Variants in KHDRBS2 observed in about 807,000 individuals in gnomAD.
The protein encoded by KHDRBS2 is KH domain-containing, RNA-binding, signal transduction-associated protein 2.
In KHDRBS2, 26 loss-of-function variants were observed where a neutral mutation model predicts 44.3. The observed-to-expected ratio is 0.59, with a 90% CI of 0.43 to 0.81. KHDRBS2 has a LOEUF of 0.81. KHDRBS2 is among the 40% of genes least tolerant of loss of function. The pLI, the probability that KHDRBS2 is intolerant of heterozygous loss-of-function variation, is 0.00. For synonymous variants in KHDRBS2, 194 were observed against 151.1 expected (o/e 1.28, Z -2.08); for missense variants, 476 against 433.1 (o/e 1.10, Z -0.88).
intron 3 of KHDRBS2, among the ~76,000 whole-genome samples, chr6:61,999,534 A>G (rs1020435424): frequency 6.6e-6 from 1 of 152,246 alleles, no homozygotes; most frequent in East Asian, 1.9e-4. Flanking sequence ...GTTATGGCAC[A>G]TACCTTTGGA....
chr6:61,594,438 C>A, the KHDRBS2 span, among the ~76,000 whole-genome samples: 52 of 152,132 alleles, frequency 3.4e-4, 1 homozygote, highest in African/African-American at 1.2e-3. Flanking sequence ...TTTTTGTAGT[C>A]TTTTCCATAA....
Position 61,778,530 on chromosome 6 carries a change from T to TAA in KHDRBS2, c.811-45768_811-45767dup, listed in dbSNP as rs764737215. On this transcript the variant is annotated intron_variant, in intron 6 of 8. Coordinates refer to ENST00000281156, the MANE Select transcript of KHDRBS2 (RefSeq NM_152688.4). The stretch of plus-strand genomic sequence containing the variant: ...ACTTACAGAGGAGAATATTAGAAAA[T>TAA]AAAATGGGCAGTTAAAAGAAAAAGA... Among the ~76,000 whole-genome samples, 60 of 151,886 alleles carry TAA rather than the reference T, an allele frequency of 4.0e-4. 1 individual carries two copies. Among genetic ancestry groups the TAA allele is most frequent in the Middle Eastern group, 3.4e-3 (1 of 294 alleles).
the KHDRBS2 span, among the ~76,000 whole-genome samples, chr6:61,592,150 C>T: frequency 4.2e-5 from 6 of 142,384 alleles, no homozygotes; most frequent in Admixed American, 3.0e-4. Flanking sequence ...ATGATTGTGT[C>T]GCTGCACTCC....
chr6:61,827,785 C>T (rs1393867238), intron 6 of KHDRBS2, among the ~76,000 whole-genome samples: 1 of 152,116 alleles, frequency 6.6e-6, no homozygotes, highest in Non-Finnish European at 1.5e-5. Flanking sequence ...AGACAGCAGG[C>T]TCTCTAGTGT....
At chr6:62,064,602 C>T (rs1294380028) in intron 2 of KHDRBS2, among the ~76,000 whole-genome samples, 2 of 149,138 alleles carry the variant, frequency 1.3e-5, no homozygotes, top group East Asian at 2.0e-4. Flanking sequence ...AACTGGATCC[C>T]TTCCTTACAC....
intron 6 of KHDRBS2, among the ~76,000 whole-genome samples, chr6:61,848,446 T>A: frequency 7.8e-6 from 1 of 127,874 alleles, no homozygotes; most frequent in Non-Finnish European, 1.6e-5. Context: ...GCTCCAAAGG[T>A]TATATTGAGA....
At chr6:62,072,057 AT>A (rs1478720511) in intron 2 of KHDRBS2, among the ~76,000 whole-genome samples, 85 of 152,186 alleles carry the variant, frequency 5.6e-4, no homozygotes, top group African/African-American at 2.0e-3. Context: ...GGTCTTTCAC[AT>A]CCCTTGCAAG....
chr6:61,971,513 T>C (rs1771411704), intron 4 of KHDRBS2, among the ~76,000 whole-genome samples: 1 of 152,148 alleles, frequency 6.6e-6, no homozygotes, highest in Non-Finnish European at 1.5e-5. Flanking sequence ...AAAAATCAGT[T>C]TCAAAATATG....
At chr6:62,160,123 C>T (rs577788686) in intron 2 of KHDRBS2, among the ~76,000 whole-genome samples, 4 of 152,254 alleles carry the variant, frequency 2.6e-5, no homozygotes, top group South Asian at 4.1e-4. Flanking sequence ...TGCAACTTTA[C>T]ATTCTGACAT....
In KHDRBS2 at chr6:62,080,488, G is replaced by A. The variant is rs544078720; in HGVS notation, c.220-32494C>T. On this transcript the variant is annotated intron_variant, in intron 2 of 8. Coordinates refer to ENST00000281156, the MANE Select transcript of KHDRBS2 (RefSeq NM_152688.4). Reference sequence around the variant, plus strand: ...GAGATAACATATGGACTTCATAAACGCATAAATGATCCCAAAGTCCTATAA... The same window carrying A: ...GAGATAACATATGGACTTCATAAACACATAAATGATCCCAAAGTCCTATAA... 1.8e-4 allele frequency among the ~76,000 whole-genome samples: 27 copies of A among 152,160 alleles called. No homozygotes were observed. In the South Asian group the frequency reaches 3.7e-3, roughly 21 times the overall value.
intron 6 of KHDRBS2, among the ~76,000 whole-genome samples, chr6:61,753,140 C>T (rs147461306): frequency 5.3e-5 from 8 of 152,188 alleles, no homozygotes; most frequent in African/African-American, 9.6e-5. Context: ...ACTCATCATT[C>T]GTGTTGCTCT....
intron 4 of KHDRBS2, among the ~76,000 whole-genome samples, chr6:61,919,735 A>C (rs7349851): frequency 0.42 from 63,443 of 151,526 alleles, 13,481 homozygotes; most frequent in Admixed American, 0.49. Flanking sequence ...ACAACAACAA[A>C]AAAAAACCCC....
intron 1 of KHDRBS2, among the ~76,000 whole-genome samples, chr6:62,251,940 T>G (rs74790169): frequency 0.025 from 3,806 of 151,968 alleles, 119 homozygotes; most frequent in African/African-American, 0.081. Flanking sequence ...TTAAAATATT[T>G]AAAAATACAA....
At chr6:61,786,423 T>C (rs894451550) in intron 6 of KHDRBS2, among the ~76,000 whole-genome samples, 2 of 152,038 alleles carry the variant, frequency 1.3e-5, no homozygotes, top group African/African-American at 2.4e-5. Flanking sequence ...TTAACACATG[T>C]TCATTGGAGA....
chr6:61,832,878 A>C (rs1286690462), intron 6 of KHDRBS2, among the ~76,000 whole-genome samples: 1 of 152,184 alleles, frequency 6.6e-6, no homozygotes, highest in Non-Finnish European at 1.5e-5. Context: ...TCTACAGCAA[A>C]AAAATATAAT....
chr6:62,089,209 C>T (rs1386762935), intron 2 of KHDRBS2, among the ~76,000 whole-genome samples: 1 of 151,506 alleles, frequency 6.6e-6, no homozygotes, highest in Non-Finnish European at 1.5e-5. Context: ...TGGCTTCAGT[C>T]CCCTTTCCAG....
chr6:62,205,313 T>A (rs566439019), intron 1 of KHDRBS2, among the ~76,000 whole-genome samples: 10 of 152,236 alleles, frequency 6.6e-5, no homozygotes, highest in African/African-American at 2.2e-4. Context: ...AGTACACAAG[T>A]GAGGCAAAAT....
chr6:61,748,006 T>A (rs778071316), intron 6 of KHDRBS2, among the ~76,000 whole-genome samples: 7 of 152,214 alleles, frequency 4.6e-5, no homozygotes, highest in Non-Finnish European at 8.8e-5. Context: ...AATATTCTTT[T>A]TTGAGACAGA....
At chr6:61,730,048 G>A (rs1325317271) in intron 7 of KHDRBS2, among the ~76,000 whole-genome samples, 2 of 151,892 alleles carry the variant, frequency 1.3e-5, no homozygotes, top group Non-Finnish European at 2.9e-5. Flanking sequence ...AAATTGGCAC[G>A]ATATTAAAAA....
Sources: gnomAD v4.1 joint callset for allele counts (sites outside exome capture counted in the v4.1 genomes callset) on GRCh38, gnomAD v4.1.1 for gene constraint, MANE v1.5 for transcripts, NCBI Gene and HGNC (gene_info 2026-07-23, HGNC 2026-07-21) for gene names.